The following GMEB2 variants were observed in gnomAD, a reference collection of about 807,000 sequenced individuals.
GMEB2 encodes the protein glucocorticoid modulatory element-binding protein 2.
GMEB2 carries 7 observed loss-of-function variants against 45.7 expected under a neutral mutation model. The ratio of observed to expected loss-of-function variants is 0.15; its 90% CI spans 0.09 to 0.29. The LOEUF is 0.29. GMEB2 is among the 10% of genes least tolerant of loss of function. GMEB2 has a pLI of 1.00. For missense variants in GMEB2, 582 were observed against 739.2 expected (o/e 0.79, Z 2.47); for synonymous variants, 322 against 323.6 (o/e 1.00, Z 0.05).
rs79460067 is a variant in GMEB2 at position 63,623,373 on chromosome 20, A to G, written c.-58+3583T>C. On this transcript the variant is annotated intron_variant, in intron 1 of 9. Coordinates refer to ENST00000370077, the MANE Select transcript of GMEB2 (RefSeq NM_012384.5). Reference sequence around the variant, plus strand: ...GTCTTCAGATGCTTTTTAGCCAGGAAAGTTACAATGATGAATTCGTTTACA... The same window carrying G: ...GTCTTCAGATGCTTTTTAGCCAGGAGAGTTACAATGATGAATTCGTTTACA... Among the ~76,000 whole-genome samples the G allele has an allele frequency of 9.8e-3, 1,496 of 152,276 alleles. 27 individuals carry two copies. The highest frequency in any genetic ancestry group is 0.034 in the African/African-American group (1,430 of 41,564).
chr20:63,596,197 T>C lies in GMEB2; in HGVS notation c.462-430A>G, dbSNP rs534340426. Among the ~76,000 whole-genome samples the C allele has an allele frequency of 4.6e-5, 7 of 152,316 alleles. No individual in the cohort carries two copies. The East Asian group carries it at 1.2e-3, about 25-fold the overall frequency. ...GAAATCACTTCCAGGAGAACCTTCC[T>C]CCTTCTAAAGGCACAGAGACAGCCA... On this transcript the variant is annotated intron_variant, in intron 5 of 9. Transcript: ENST00000370077.
At chr20:63,616,168 G>T (rs1241465070) in intron 2 of GMEB2, among the ~76,000 whole-genome samples, 1 of 152,220 alleles carries the variant, frequency 6.6e-6, no homozygotes, top group Non-Finnish European at 1.5e-5. Flanking sequence ...TGTGGGCCGG[G>T]TACAGTGGCT....
intron 3 of GMEB2, among the ~76,000 whole-genome samples, chr20:63,604,475 C>T (rs1017077801): frequency 6.6e-6 from 1 of 152,232 alleles, no homozygotes; most frequent in East Asian, 1.9e-4. Context: ...AAAACAAAAT[C>T]CAAAAGAGGA....
rs2297428 is a variant in GMEB2, at chr20:63,590,413, C to T, written c.1269G>A (p.Pro423=). ...GSLQAPPASS[P]ASPLLGGYTV... Reference sequence around the variant, plus strand: ...TGTATCCCCCGAGCAGCGGGGAGGCCGGGGAGCTGGCGGGGGGCGCCTGAA... The same window carrying T: ...TGTATCCCCCGAGCAGCGGGGAGGCTGGGGAGCTGGCGGGGGGCGCCTGAA... The change falls in exon 10 of 10, where the codon CCG becomes CCA. Residue 423 remains proline, a synonymous_variant. Coordinates refer to ENST00000370077, the MANE Select transcript of GMEB2 (RefSeq NM_012384.5). 0.23 allele frequency: 360,480 copies of T among 1,570,380 alleles called. 45,855 individuals carry two copies. The highest frequency in any genetic ancestry group is 0.5 in the East Asian group (21,825 of 43,532).
In GMEB2 at chr20:63,588,776, C is replaced by G; in HGVS notation, c.*1313G>C. ...TCCAGGGGAATCTGGCACTCAGGGT[C>G]CTCCCGGGACATGCCCTGTTGGAGA... is the stretch of plus-strand genomic sequence containing the variant. On this transcript the variant is annotated 3_prime_UTR_variant, in exon 10 of 10. Coordinates refer to ENST00000370077, the MANE Select transcript of GMEB2 (RefSeq NM_012384.5). 2.5e-6 allele frequency: 1 copy of G among 398,692 alleles called. No individual in the cohort carries two copies. The highest frequency in any genetic ancestry group is 3.6e-5 in the East Asian group (1 of 28,090). 24.7% of individuals were successfully genotyped at this position (398,692 alleles called of 1,614,324 possible). A position where few individuals can be genotyped will look rare whatever the true frequency, so the allele number is the denominator to read the frequency against.
Position 63,590,035 on chromosome 20 carries a change from G to C in GMEB2, c.*54C>G. 2 of 1,448,874 alleles carry C rather than the reference G, an allele frequency of 1.4e-6. No individual in the cohort carries two copies. Among genetic ancestry groups the C allele is most frequent in the Non-Finnish European group, 1.8e-6 (2 of 1,096,572 alleles). The allele number at this position is 1,448,874 out of a possible 1,614,324, so 89.8% of individuals were successfully genotyped here. A position where few individuals can be genotyped will look rare whatever the true frequency, so the allele number is the denominator to read the frequency against. On this transcript the variant is annotated 3_prime_UTR_variant, in exon 10 of 10. Coordinates refer to ENST00000370077, the MANE Select transcript of GMEB2 (RefSeq NM_012384.5). ...CGGCCTCTGCCCGCTCCCTGCTGCCGCGGCTGAGAGACAGCCAGCCCTGTC... is the reference window on the plus strand; with the variant it reads ...CGGCCTCTGCCCGCTCCCTGCTGCCCCGGCTGAGAGACAGCCAGCCCTGTC...
Position 63,595,218 on chromosome 20 carries a change from C to T in GMEB2, c.619+392G>A, listed in dbSNP as rs554054605. Among the ~76,000 whole-genome samples, 260 of 141,860 alleles carry T rather than the reference C, an allele frequency of 1.8e-3. 2 individuals are homozygous for T. Among genetic ancestry groups the T allele is most frequent in the African/African-American group, 6.4e-3 (246 of 38,352 alleles). The allele number at this position is 141,860 out of a possible 152,430, so 93.1% of individuals were successfully genotyped here. A position where few individuals can be genotyped will look rare whatever the true frequency, so the allele number is the denominator to read the frequency against. ...AGCACGGAAGGCGGGAGCACAGGCG[C>T]GCAGTTCCGTAAACCGCCAGGTCAG... On this transcript the variant is annotated intron_variant, in intron 6 of 9. Transcript: ENST00000370077.
At chr20:63,622,899 C>T (rs1474544695) in intron 1 of GMEB2, among the ~76,000 whole-genome samples, 1 of 152,238 alleles carries the variant, frequency 6.6e-6, no homozygotes, top group Non-Finnish European at 1.5e-5. Context: ...GCACGCGTTA[C>T]TGACGCCAGC....
intron 3 of GMEB2, among the ~76,000 whole-genome samples, chr20:63,603,327 A>C (rs1021307161): frequency 2.0e-5 from 3 of 152,252 alleles, no homozygotes; most frequent in African/African-American, 7.2e-5. Context: ...GAATTCCATT[A>C]AACTATGGTT....
intron 1 of GMEB2, among the ~76,000 whole-genome samples, chr20:63,625,647 G>C (rs963865052): frequency 1.3e-5 from 2 of 151,728 alleles, no homozygotes; most frequent in Non-Finnish European, 2.9e-5. Context: ...ACCCAGGCTG[G>C]AGTGCAATGG....
intron 9 of GMEB2, among the ~76,000 whole-genome samples, chr20:63,591,166 C>T (rs1420192205): frequency 1.3e-5 from 2 of 152,096 alleles, no homozygotes; most frequent in Non-Finnish European, 2.9e-5. Context: ...TGTGTTTAAA[C>T]ATAAACATGC....
intron 5 of GMEB2, 106 bp downstream of exon 5, chr20:63,597,651 C>A: frequency 1.4e-6 from 1 of 704,874 alleles, no homozygotes. Flanking sequence ...TCAGCACTCA[C>A]CACATCTAAA....
rs551262650 is a variant in GMEB2, at chr20:63,623,148, G to A, written c.-57-3694C>T. Among the ~76,000 whole-genome samples the A allele has an allele frequency of 2.6e-5, 4 of 152,216 alleles. No individual in the cohort carries two copies. The South Asian group carries it at 6.2e-4, about 24-fold the overall frequency. ...AGGGTATCGAAAATGAGTGATGGAAGGAAAATGTATTGTTTAAATGAGGAA... is the reference window on the plus strand; with the variant it reads ...AGGGTATCGAAAATGAGTGATGGAAAGAAAATGTATTGTTTAAATGAGGAA... On this transcript the variant is annotated intron_variant, in intron 1 of 9. Transcript: ENST00000370077.
chr20:63,621,133 G>A (rs1016426901), intron 1 of GMEB2, among the ~76,000 whole-genome samples: 2 of 152,232 alleles, frequency 1.3e-5, no homozygotes, highest in African/African-American at 4.8e-5. Context: ...GGAGATTGAG[G>A]CTGCAATGAG....
At chr20:63,597,951 A>G (rs568867983) in intron 4 of GMEB2, 91 bp from the exon 5 acceptor site, 1 of 776,136 alleles carries the variant, frequency 1.3e-6, no homozygotes, top group Non-Finnish European at 2.3e-6. Flanking sequence ...CAGGCGCGCA[A>G]GGCAGGAAAA....
chr20:63,597,321 C>T (rs2083207601), intron 5 of GMEB2, among the ~76,000 whole-genome samples: 1 of 151,842 alleles, frequency 6.6e-6, no homozygotes, highest in African/African-American at 2.4e-5. Context: ...TCACCAAATC[C>T]AGATAATTTT....
At position 63,593,892 on chromosome 20, in the gene GMEB2, C is replaced by T. The variant is rs1244016522; in HGVS notation, c.620-810G>A. 2.0e-5 allele frequency among the ~76,000 whole-genome samples: 3 copies of T among 152,194 alleles called. No individual in the cohort carries two copies. The highest frequency in any genetic ancestry group is 4.1e-4 in the South Asian group (2 of 4,832). ...AAAGTCAACCGGGTGTGGCGGCGTG[C>T]GCCTGTAATCCCAGCTACTCGGGAG... On this transcript the variant is annotated intron_variant, in intron 6 of 9. Transcript: ENST00000370077. This position sits in a 1 kb window ranked among gnomAD's most constrained non-coding sequence, Gnocchi z 4.7.
At position 63,590,628 on chromosome 20, in the gene GMEB2, G is replaced by A. The variant is rs2083138538; in HGVS notation, c.1054C>T (p.Leu352=). 3 of 1,590,786 alleles carry A rather than the reference G, an allele frequency of 1.9e-6. No homozygotes were observed. The highest frequency in any genetic ancestry group is 2.6e-6 in the Non-Finnish European group (3 of 1,167,080). The change falls in exon 10 of 10, where the codon CTG becomes TTG. Residue 352 remains leucine (L), a synonymous_variant. Transcript: ENST00000370077. ...CGGGGCCGCTTCACAGGCGGTGGCAGGGAGACCGGCGTCAGCGTCATGAGC... is the reference window on the plus strand; with the variant it reads ...CGGGGCCGCTTCACAGGCGGTGGCAAGGAGACCGGCGTCAGCGTCATGAGC... ...NVLMTLTPVS[L]PPPVKRPRLA... is the part of the protein sequence containing the mutation.
intron 3 of GMEB2, among the ~76,000 whole-genome samples, chr20:63,604,289 G>A (rs906393922): frequency 4.0e-5 from 6 of 151,438 alleles, no homozygotes; most frequent in African/African-American, 1.5e-4. Flanking sequence ...GAGGTAGGAG[G>A]ATCATCTGAG....
Sources: gnomAD v4.1 joint callset for allele counts (sites outside exome capture counted in the v4.1 genomes callset) on GRCh38, gnomAD v4.1.1 for gene constraint, Gnocchi (gnomAD v3.1) non-coding constraint, MANE v1.5 for transcripts, NCBI Gene and HGNC (gene_info 2026-07-23, HGNC 2026-07-21) for gene names.